WDR82: variants seen among roughly 807,000 people sequenced by gnomAD.
WDR82 encodes WD repeat-containing protein 82.
WDR82 carries 8 observed loss-of-function variants against 36.1 expected under a neutral mutation model. The observed-to-expected ratio is 0.22, with a 90% CI of 0.13 to 0.40. The LOEUF (loss-of-function observed/expected upper bound fraction) is 0.40. Among genes scored for constraint, WDR82 ranks in the 10% least tolerant of loss-of-function variants. The probability of loss-of-function intolerance (pLI) is 1.00; values close to 1 mark genes in which losing one functional copy is unlikely to be tolerated. For synonymous variants in WDR82, 129 were observed against 137.8 expected (o/e 0.94, Z 0.45); for missense variants, 185 against 400.5 (o/e 0.46, Z 4.59).
chr3:52,256,250 T>A lies in WDR82; in HGVS notation c.*1240A>T, dbSNP rs1418439011. 6.5e-6 allele frequency: 1 copy of A among 153,812 alleles called. No homozygotes were observed. Among genetic ancestry groups the A allele is most frequent in the Non-Finnish European group, 1.5e-5 (1 of 68,046 alleles). The allele number at this position is 153,812 out of a possible 1,614,324, so 9.5% of individuals were successfully genotyped here. On this transcript the variant is annotated 3_prime_UTR_variant, in exon 9 of 9. Coordinates refer to ENST00000296490, the MANE Select transcript of WDR82 (RefSeq NM_025222.4). The stretch of plus-strand genomic sequence containing the variant: ...AATAAGGAAGACTCACTAATACTTG[T>A]GGCAAACACTATTAGCAGGGATGCA...
chr3:52,270,678 C>T, intron 2 of WDR82, 34 bp downstream of exon 2: 1 of 1,533,586 alleles, frequency 6.5e-7, no homozygotes, highest in Non-Finnish European at 8.9e-7. Context: ...ACAAAGGAAA[C>T]CATGACCTTA....
chr3:52,258,451 C>CA, intron 8 of WDR82, 85 bp downstream of exon 8: 1 of 1,512,530 alleles, frequency 6.6e-7, no homozygotes, highest in Non-Finnish European at 9.1e-7. Flanking sequence ...CTATGTAGAA[C>CA]ACAGCTTGCT....
intron 3 of WDR82, among the ~76,000 whole-genome samples, chr3:52,262,861 G>A (rs1700073337): frequency 6.6e-6 from 1 of 152,242 alleles, no homozygotes; most frequent in Non-Finnish European, 1.5e-5. Flanking sequence ...AGGTGCGGTG[G>A]CTCATGCCTG....
intron 1 of WDR82, among the ~76,000 whole-genome samples, chr3:52,273,153 G>T (rs59565798): frequency 6.6e-6 from 1 of 152,026 alleles, no homozygotes; most frequent in Non-Finnish European, 1.5e-5. Flanking sequence ...GAAACTGGCC[G>T]GGCGCAGTGG....
intron 1 of WDR82, among the ~76,000 whole-genome samples, chr3:52,277,671 A>C (rs1700217584): frequency 1.3e-5 from 2 of 152,256 alleles, no homozygotes. Context: ...ACAGCTAAGA[A>C]GTGCAACCCA....
At chr3:52,273,426 C>T (rs1268566512) in intron 1 of WDR82, among the ~76,000 whole-genome samples, 3 of 141,136 alleles carry the variant, frequency 2.1e-5, no homozygotes, top group Non-Finnish European at 4.8e-5. Context: ...AGCGAAACTC[C>T]GTCTTAAAAA....
At chr3:52,264,005 A>C (rs1343267119) in intron 3 of WDR82, among the ~76,000 whole-genome samples, 2 of 152,142 alleles carry the variant, frequency 1.3e-5, no homozygotes, top group Non-Finnish European at 2.9e-5. Context: ...CTCTATAAAA[A>C]CACAAAAATT....
chr3:52,274,859 C>T (rs954449163), intron 1 of WDR82, among the ~76,000 whole-genome samples: 4 of 151,168 alleles, frequency 2.6e-5, no homozygotes, highest in Non-Finnish European at 4.4e-5. Flanking sequence ...GCCAAGATTA[C>T]GCCACTGCAC....
chr3:52,259,939 T>C (rs1467130376), intron 5 of WDR82, 67 bp from the exon 6 acceptor site: 2 of 1,524,886 alleles, frequency 1.3e-6, no homozygotes, highest in African/African-American at 1.4e-5. Context: ...CCAATTCCCA[T>C]CCTATTCCTT....
intron 2 of WDR82, chr3:52,267,764 G>C (rs1700118819): frequency 6.6e-6 from 1 of 152,588 alleles, no homozygotes; most frequent in Non-Finnish European, 1.5e-5. Context: ...ATCTGAAAGA[G>C]TAAACAAACA....
chr3:52,278,542 G>A lies in WDR82; in HGVS notation c.-181C>T. 1 of 477,264 alleles carries A rather than the reference G, an allele frequency of 2.1e-6. No individual in the cohort carries two copies. The highest frequency in any genetic ancestry group is 3.3e-6 in the Non-Finnish European group (1 of 298,530). 29.6% of individuals were successfully genotyped at this position (477,264 alleles called of 1,614,324 possible). ...CTGCTTGGTCGAGGGTCTTCTGCCTGGACTGTGGAGCCTCGCCGACCGTTC... is the reference window on the plus strand; with the variant it reads ...CTGCTTGGTCGAGGGTCTTCTGCCTAGACTGTGGAGCCTCGCCGACCGTTC... On this transcript the variant is annotated 5_prime_UTR_variant, in exon 1 of 9. Coordinates refer to ENST00000296490, the MANE Select transcript of WDR82 (RefSeq NM_025222.4).
chr3:52,270,681 T>C (rs926526545), intron 2 of WDR82, 31 bp downstream of exon 2: 4 of 1,544,364 alleles, frequency 2.6e-6, no homozygotes, highest in Non-Finnish European at 3.5e-6. Context: ...AAGGAAACCA[T>C]GACCTTAACT....
At chr3:52,269,779 A>C (rs1254219580) in intron 2 of WDR82, among the ~76,000 whole-genome samples, 1 of 152,212 alleles carries the variant, frequency 6.6e-6, no homozygotes, top group Admixed American at 6.5e-5. Context: ...TTAAAAAATT[A>C]AAGAATTCTA....
intron 1 of WDR82, among the ~76,000 whole-genome samples, chr3:52,274,670 G>A (rs1239062603): frequency 6.6e-6 from 1 of 152,128 alleles, no homozygotes; most frequent in South Asian, 2.1e-4. Context: ...CGAGGAGACC[G>A]AGGTGGGCAG....
intron 8 of WDR82, 74 bp downstream of exon 8, chr3:52,258,462 G>T (rs1393612927): frequency 3.2e-6 from 5 of 1,557,622 alleles, no homozygotes; most frequent in Non-Finnish European, 2.7e-6. Flanking sequence ...ACAGCTTGCT[G>T]TGCTTGTTGA....
At chr3:52,275,417 G>C (rs1700194338) in intron 1 of WDR82, among the ~76,000 whole-genome samples, 1 of 152,140 alleles carries the variant, frequency 6.6e-6, no homozygotes. Context: ...GGCCAAACTA[G>C]TACCCAGTTC....
intron 2 of WDR82, among the ~76,000 whole-genome samples, chr3:52,269,430 G>A (rs1310578202): frequency 1.3e-5 from 2 of 152,112 alleles, no homozygotes; most frequent in African/African-American, 4.8e-5. Context: ...AGCCGAGATT[G>A]CACCATTGCA....
At chr3:52,268,661 C>T (rs1187909475) in intron 2 of WDR82, among the ~76,000 whole-genome samples, 1 of 150,546 alleles carries the variant, frequency 6.6e-6, no homozygotes, top group African/African-American at 2.4e-5. Context: ...TTCTGAAATA[C>T]AGGCATGAAA....
At chr3:52,274,988 C>T (rs538174173) in intron 1 of WDR82, among the ~76,000 whole-genome samples, 4 of 151,898 alleles carry the variant, frequency 2.6e-5, no homozygotes, top group East Asian at 1.9e-4. Context: ...TTTGGGAGGC[C>T]GAGGCGGCGG....
Sources: gnomAD v4.1 joint callset for allele counts (sites outside exome capture counted in the v4.1 genomes callset) on GRCh38, gnomAD v4.1.1 for gene constraint, MANE v1.5 for transcripts, NCBI Gene and HGNC (gene_info 2026-07-23, HGNC 2026-07-21) for gene names.